NEGR1: variants seen among roughly 807,000 people sequenced by gnomAD.
NEGR1 encodes the protein neuronal growth regulator 1, also known as IgLON family member 4.
A neutral mutation model predicts 40.9 loss-of-function variants in NEGR1; 10 were observed. The observed-to-expected ratio is 0.24, with a 90% CI of 0.15 to 0.42. The LOEUF is 0.42. Among genes scored for constraint, NEGR1 ranks in the 10% least tolerant of loss-of-function variants. The pLI, the probability that NEGR1 is intolerant of heterozygous loss-of-function variation, is 1.00. For missense variants in NEGR1, 352 were observed against 438.9 expected, an observed-to-expected ratio of 0.80 and a Z score of 1.77; for synonymous variants, 185 against 166.8, an observed-to-expected ratio of 1.11 and a Z score of -0.84.
intron 2 of NEGR1, among the ~76,000 whole-genome samples, chr1:71,860,328 C>T (rs1659908037): frequency 6.6e-6 from 1 of 151,960 alleles, no homozygotes; most frequent in East Asian, 1.9e-4. Flanking sequence ...GATCATTTCA[C>T]AGCAGAGCCA....
chr1:71,737,416 C>T (rs1216831319), intron 3 of NEGR1, among the ~76,000 whole-genome samples: 6 of 150,700 alleles, frequency 4.0e-5, no homozygotes, highest in East Asian at 2.0e-4. Flanking sequence ...TTGCATCCCT[C>T]GAAATGGAGA....
chr1:71,738,262 G>A, intron 3 of NEGR1: 1 of 231,562 alleles, frequency 4.3e-6, no homozygotes, highest in Non-Finnish European at 9.4e-6. Context: ...GCACTTCTCA[G>A]CCCTGACAGA....
At chr1:72,274,571 C>G (rs1655971935) in intron 1 of NEGR1, 10 of 766,758 alleles carry the variant, frequency 1.3e-5, no homozygotes, top group Non-Finnish European at 2.2e-5. Flanking sequence ...TACAGTGAGT[C>G]TTTGGCAAGA....
At chr1:72,246,274 G>A (rs1202046275) in intron 1 of NEGR1, among the ~76,000 whole-genome samples, 1 of 151,988 alleles carries the variant, frequency 6.6e-6, no homozygotes, top group African/African-American at 2.4e-5. Context: ...CATTTATATT[G>A]TATTCCCATT....
chr1:71,866,571 T>G (rs933016214), intron 2 of NEGR1, among the ~76,000 whole-genome samples: 13 of 152,196 alleles, frequency 8.5e-5, no homozygotes, highest in African/African-American at 3.1e-4. Flanking sequence ...AAAATGACTG[T>G]GATATTAAAT....
chr1:71,776,432 A>T (rs1656512128), intron 2 of NEGR1, 135 bp from the exon 3 acceptor site: 1 of 408,118 alleles, frequency 2.5e-6, no homozygotes, highest in African/African-American at 2.1e-5. Context: ...CCTCACCTGA[A>T]AGATGGATTC....
chr1:71,888,486 C>T (rs1660801594), intron 2 of NEGR1, among the ~76,000 whole-genome samples: 1 of 151,886 alleles, frequency 6.6e-6, no homozygotes, highest in African/African-American at 2.4e-5. Flanking sequence ...GTCACTCCCA[C>T]CCGAATATTG....
At chr1:72,029,707 A>C (rs561076107) in intron 1 of NEGR1, among the ~76,000 whole-genome samples, 2 of 152,328 alleles carry the variant, frequency 1.3e-5, no homozygotes, top group Admixed American at 6.5e-5. Flanking sequence ...AAGAAAACAA[A>C]GCATTTGAAT....
At chr1:71,433,628 T>G (rs1306144212) in intron 6 of NEGR1, among the ~76,000 whole-genome samples, 1 of 152,184 alleles carries the variant, frequency 6.6e-6, no homozygotes, top group Admixed American at 6.5e-5. Context: ...GAAACCCTGA[T>G]AAGACCAACA....
intron 6 of NEGR1, among the ~76,000 whole-genome samples, chr1:71,412,440 A>T (rs1320535032): frequency 6.6e-6 from 1 of 152,220 alleles, no homozygotes. Flanking sequence ...TTCTTAACTT[A>T]TAATTAGTTA....
chr1:71,802,820 A>G (rs1340723395), intron 2 of NEGR1, among the ~76,000 whole-genome samples: 2 of 152,144 alleles, frequency 1.3e-5, no homozygotes, highest in African/African-American at 4.8e-5. Context: ...AACACACATA[A>G]CAAGTCTTGT....
At chr1:71,996,732 T>A (rs1349706325) in intron 1 of NEGR1, among the ~76,000 whole-genome samples, 1 of 152,102 alleles carries the variant, frequency 6.6e-6, no homozygotes, top group Non-Finnish European at 1.5e-5. Flanking sequence ...TATAAAAGGA[T>A]CAGAAGACAT....
intron 6 of NEGR1, among the ~76,000 whole-genome samples, chr1:71,430,217 A>T (rs1646457038): frequency 1.3e-5 from 2 of 152,048 alleles, no homozygotes; most frequent in Non-Finnish European, 2.9e-5. Flanking sequence ...TAGCTCCTGG[A>T]TCCTGGCTCA....
intron 1 of NEGR1, among the ~76,000 whole-genome samples, chr1:72,111,649 TAATAATG>T (rs1212583603): frequency 6.6e-6 from 1 of 151,776 alleles, no homozygotes; most frequent in Non-Finnish European, 1.5e-5. Flanking sequence ...GACAAATGAT[TAATAATG>T]AATATTAATT....
chr1:71,709,764 C>T (rs1557622700), intron 3 of NEGR1, among the ~76,000 whole-genome samples: 3 of 152,132 alleles, frequency 2.0e-5, no homozygotes, highest in Admixed American at 1.3e-4. Flanking sequence ...TATGTAATTA[C>T]TACAAGAATA....
intron 4 of NEGR1, among the ~76,000 whole-genome samples, chr1:71,652,586 A>C (rs947547607): frequency 6.6e-6 from 1 of 152,122 alleles, no homozygotes; most frequent in Non-Finnish European, 1.5e-5. Context: ...TTATAGAAAA[A>C]GCTGGCCCGG....
intron 2 of NEGR1, among the ~76,000 whole-genome samples, chr1:71,798,896 G>A (rs1313316873): frequency 1.3e-5 from 2 of 152,108 alleles, no homozygotes; most frequent in African/African-American, 2.4e-5. Flanking sequence ...AAAGACTGGG[G>A]TGTAAACAGT....
chr1:72,145,605 G>A (rs1356919408), intron 1 of NEGR1, among the ~76,000 whole-genome samples: 3 of 152,136 alleles, frequency 2.0e-5, no homozygotes, highest in African/African-American at 7.2e-5. Context: ...TGGACTAGGG[G>A]GTAGAGATTG....
At chr1:71,631,191 C>A (rs1427674205) in intron 4 of NEGR1, among the ~76,000 whole-genome samples, 1 of 151,556 alleles carries the variant, frequency 6.6e-6, no homozygotes, top group African/African-American at 2.4e-5. Context: ...ATTTTGTTTC[C>A]ACAGCTAATT....
Sources: allele counts gnomAD v4.1 joint callset (sites outside exome capture counted in the v4.1 genomes callset), GRCh38; gene constraint gnomAD v4.1.1; transcripts MANE v1.5; gene names NCBI Gene and HGNC (gene_info 2026-07-23, HGNC 2026-07-21).